The following MECOM variants were observed in gnomAD, a reference collection of about 807,000 sequenced individuals.
MECOM encodes the protein histone-lysine N-methyltransferase MECOM.
A neutral mutation model predicts 116.3 loss-of-function variants in MECOM; 13 were observed. The observed-to-expected ratio is 0.11, with a 90% confidence interval of 0.07 to 0.18. The LOEUF is 0.18. Among genes scored for constraint, MECOM ranks in the 10% least tolerant of loss-of-function variants. The probability of loss-of-function intolerance (pLI) is 1.00; values close to 1 mark genes in which losing one functional copy is unlikely to be tolerated. For missense variants in MECOM, 1,299 were observed against 1,509.0 expected, an observed-to-expected ratio of 0.86 and a Z score of 2.31; for synonymous variants, 528 against 535.2, an observed-to-expected ratio of 0.99 and a Z score of 0.19.
chr3:169,531,374 C>T (rs1024938341), intron 1 of MECOM, among the ~76,000 whole-genome samples: 1 of 152,144 alleles, frequency 6.6e-6, no homozygotes, highest in South Asian at 2.1e-4. Flanking sequence ...ATCCTGAATC[C>T]TTGTCTCCTC....
At chr3:169,500,132 A>G (rs1754357043) in intron 1 of MECOM, among the ~76,000 whole-genome samples, 1 of 152,080 alleles carries the variant, frequency 6.6e-6, no homozygotes. Flanking sequence ...ATAACTGAAT[A>G]AAAATATTAG....
At chr3:169,626,112 T>G (rs920188551) in intron 1 of MECOM, among the ~76,000 whole-genome samples, 11 of 152,258 alleles carry the variant, frequency 7.2e-5, no homozygotes, top group African/African-American at 2.7e-4. Context: ...CCTGAAATTT[T>G]TATTGGTTTA....
intron 1 of MECOM, among the ~76,000 whole-genome samples, chr3:169,423,960 G>A (rs1043337657): frequency 6.6e-6 from 1 of 152,134 alleles, no homozygotes. Flanking sequence ...GATGTGCCCT[G>A]ACATAGTGGA....
chr3:169,222,361 G>T (rs371344384), intron 2 of MECOM, among the ~76,000 whole-genome samples: 4 of 152,166 alleles, frequency 2.6e-5, no homozygotes, highest in East Asian at 1.9e-4. Flanking sequence ...TCAGTACCTT[G>T]TTACAGCCTC....
At chr3:169,623,190 T>A (rs527642101) in intron 1 of MECOM, among the ~76,000 whole-genome samples, 37 of 152,328 alleles carry the variant, frequency 2.4e-4, no homozygotes, top group East Asian at 7.7e-4. Flanking sequence ...TCATTCTACA[T>A]TGAACCTACG....
rs149616012 is a variant in MECOM at position 169,091,367 on chromosome 3, A to G, written c.3165-1131T>C. 2.2e-4 allele frequency among the ~76,000 whole-genome samples: 33 copies of G among 152,122 alleles called. 2 individuals carry two copies. In the East Asian group the frequency reaches 6.4e-3, roughly 29 times the overall value. ...GGAGTTCAGGGGAAAAACTTAGATG[A>G]CTCAACCTTCTTATTTCTGTGCTGT... On this transcript the variant is annotated intron_variant, in intron 14 of 16. Transcript: ENST00000651503.
intron 12 of MECOM, among the ~76,000 whole-genome samples, chr3:169,095,721 T>C (rs999217106): frequency 1.1e-4 from 17 of 152,200 alleles, no homozygotes; most frequent in African/African-American, 3.9e-4. Flanking sequence ...AAAATTCCAT[T>C]ATCAGTTTCA....
At chr3:169,526,964 T>A (rs1758035788) in intron 1 of MECOM, among the ~76,000 whole-genome samples, 1 of 152,246 alleles carries the variant, frequency 6.6e-6, no homozygotes. Flanking sequence ...CACAGTCAGA[T>A]GAAAGAAAAC....
chr3:169,642,055 G>T (rs1560525988), intron 1 of MECOM, among the ~76,000 whole-genome samples: 1 of 152,112 alleles, frequency 6.6e-6, no homozygotes, highest in Non-Finnish European at 1.5e-5. Flanking sequence ...GGCAAATAAG[G>T]CATTTAATGA....
At chr3:169,361,633 A>G (rs77434667) in intron 2 of MECOM, among the ~76,000 whole-genome samples, 3,111 of 151,946 alleles carry the variant, frequency 0.02, 112 homozygotes, top group African/African-American at 0.072. Flanking sequence ...CATTTAAAAG[A>G]TGAGGAAATT....
intron 2 of MECOM, among the ~76,000 whole-genome samples, chr3:169,380,829 TA>T (rs1365524955): frequency 6.6e-6 from 1 of 152,132 alleles, no homozygotes; most frequent in Non-Finnish European, 1.5e-5. Flanking sequence ...CCAAAAAAGA[TA>T]AAATGCAATA....
Position 169,209,779 on chromosome 3 carries a change from C to T in MECOM, c.376-65947G>A, listed in dbSNP as rs1245362585. 3.9e-5 allele frequency among the ~76,000 whole-genome samples: 6 copies of T among 152,038 alleles called. No homozygotes were observed. In the East Asian group the frequency reaches 1.2e-3, roughly 29 times the overall value. ...TGGGAATGTAAATTAGTGTAATCAT[C>T]GTGGAAGACAGTGTGGCGATTCCTC... On this transcript the variant is annotated intron_variant, in intron 2 of 16. Transcript: ENST00000651503.
intron 1 of MECOM, among the ~76,000 whole-genome samples, chr3:169,636,319 A>C (rs1264481430): frequency 6.6e-6 from 1 of 152,202 alleles, no homozygotes; most frequent in Non-Finnish European, 1.5e-5. Context: ...CCCTAGTAAG[A>C]ATCTTTTTTA....
intron 1 of MECOM, among the ~76,000 whole-genome samples, chr3:169,413,451 G>A (rs1439011599): frequency 6.6e-6 from 1 of 151,638 alleles, no homozygotes; most frequent in Non-Finnish European, 1.5e-5. Flanking sequence ...CACCAAGCTA[G>A]CTGCTAGCTG....
At chr3:169,552,274 A>T (rs1308890173) in intron 1 of MECOM, among the ~76,000 whole-genome samples, 1 of 150,034 alleles carries the variant, frequency 6.7e-6, no homozygotes, top group Non-Finnish European at 1.5e-5. Flanking sequence ...AGGTGTGATG[A>T]AAACTATTAA....
intron 2 of MECOM, among the ~76,000 whole-genome samples, chr3:169,261,843 C>T (rs1026460961): frequency 1.1e-4 from 16 of 152,216 alleles, no homozygotes; most frequent in African/African-American, 3.6e-4. Context: ...GCAGTGCCCA[C>T]CTGTGTGTTT....
intron 2 of MECOM, among the ~76,000 whole-genome samples, chr3:169,165,209 C>A (rs1328329043): frequency 6.6e-6 from 1 of 152,168 alleles, no homozygotes; most frequent in Non-Finnish European, 1.5e-5. Context: ...AAACTGTTTA[C>A]TGCACCATTT....
chr3:169,384,082 T>C, intron 1 of MECOM, among the ~76,000 whole-genome samples: 1 of 152,192 alleles, frequency 6.6e-6, no homozygotes, highest in East Asian at 1.9e-4. Context: ...TGTATGATTG[T>C]TTCATTCCCA....
At chr3:169,217,234 G>A (rs529568290) in intron 2 of MECOM, among the ~76,000 whole-genome samples, 2 of 151,970 alleles carry the variant, frequency 1.3e-5, no homozygotes, top group Admixed American at 1.3e-4. Context: ...CCTCTTGCCT[G>A]CATACATGAA....
Sources: allele counts gnomAD v4.1 joint callset (sites outside exome capture counted in the v4.1 genomes callset), GRCh38; gene constraint gnomAD v4.1.1; transcripts MANE v1.5; gene names NCBI Gene and HGNC (gene_info 2026-07-23, HGNC 2026-07-21).